BLOC1S5: variants seen among roughly 807,000 people sequenced by gnomAD.
The protein encoded by BLOC1S5 is biogenesis of lysosomal organelles complex 1 subunit 5.
BLOC1S5 carries 27 observed loss-of-function variants against 24.3 expected under a neutral mutation model. The ratio of observed to expected loss-of-function variants is 1.11; its 90% CI spans 0.82 to 1.53. The LOEUF is 1.53. Among genes scored for constraint, BLOC1S5 ranks in the 40% most tolerant of loss-of-function variants. The pLI, the probability that BLOC1S5 is intolerant of heterozygous loss-of-function variation, is 0.00. For synonymous variants in BLOC1S5, 84 were observed against 74.5 expected (o/e 1.13, Z -0.66); for missense variants, 239 against 229.4 (o/e 1.04, Z -0.27).
chr6:8,021,861 T>C (rs1395109722), intron 4 of BLOC1S5, among the ~76,000 whole-genome samples: 1 of 152,192 alleles, frequency 6.6e-6, no homozygotes, highest in Non-Finnish European at 1.5e-5. Context: ...ATGAAGAGAA[T>C]TTATTAATAA....
At chr6:8,041,024 C>G in intron 3 of BLOC1S5, 115 bp downstream of exon 3, 1 of 1,225,014 alleles carries the variant, frequency 8.2e-7, no homozygotes, top group South Asian at 1.6e-5. Flanking sequence ...ACCACTTTCT[C>G]TGTAACTGAG....
chr6:8,025,767 T>A (rs13219811), intron 4 of BLOC1S5, among the ~76,000 whole-genome samples: 19,115 of 152,156 alleles, frequency 0.13, 1,505 homozygotes, highest in South Asian at 0.28. Context: ...TGTTTCTTAA[T>A]AAGTGTAAGA....
intron 3 of BLOC1S5, among the ~76,000 whole-genome samples, chr6:8,032,798 T>C (rs6931500): frequency 0.039 from 5,946 of 152,182 alleles, 367 homozygotes; most frequent in African/African-American, 0.13. Flanking sequence ...ACAAAATCAA[T>C]GTACAAAAAT....
Position 8,014,014 on chromosome 6 carries a change from C to T in BLOC1S5, c.*1635G>A, listed in dbSNP as rs574474418. ...CCTCTATTAACTTTAATCACATTTT[C>T]AACATGCAGCCAAGAATGAAGCTTT... On this transcript the variant is annotated 3_prime_UTR_variant, in exon 5 of 5. Transcript: ENST00000397457. 2.6e-5 allele frequency: 4 copies of T among 152,228 alleles called. No individual in the cohort carries two copies. Among genetic ancestry groups the T allele is most frequent in the Non-Finnish European group, 5.9e-5 (4 of 68,016 alleles). 9.4% of individuals were successfully genotyped at this position (152,228 alleles called of 1,614,324 possible). A position where few individuals can be genotyped will look rare whatever the true frequency, so the allele number is the denominator to read the frequency against.
chr6:8,048,412 G>A (rs1020467577), intron 2 of BLOC1S5, among the ~76,000 whole-genome samples: 2 of 152,036 alleles, frequency 1.3e-5, no homozygotes, highest in African/African-American at 4.8e-5. Flanking sequence ...ACTTTTCAGC[G>A]GAGAAGGCTA....
intron 3 of BLOC1S5, among the ~76,000 whole-genome samples, chr6:8,028,323 A>G (rs1260315505): frequency 1.3e-5 from 2 of 151,952 alleles, no homozygotes; most frequent in African/African-American, 2.4e-5. Context: ...AAGTATTGAA[A>G]ATTAGGTTCC....
Position 8,015,663 on chromosome 6 carries a change from AT to A in BLOC1S5, c.549del (p.Lys183AsnfsTer24). 6.2e-7 allele frequency: 1 copy of A among 1,609,550 alleles called. No homozygotes were observed. Among genetic ancestry groups the A allele is most frequent in the Non-Finnish European group, 8.5e-7 (1 of 1,178,780 alleles). On this transcript the variant is annotated frameshift_variant, in exon 5 of 5. Transcript: ENST00000397457. LOFTEE classifies it high-confidence loss of function. ...GGTTCAAGTTCTTAAAAGGTTGAAA[AT>A]TTCGCTAGGTCCTTCTCCATCTCAG... ...QYAEMEKDLA[K>X]FSTF
At chr6:8,051,389 G>A (rs527840822) in intron 2 of BLOC1S5, among the ~76,000 whole-genome samples, 2 of 152,296 alleles carry the variant, frequency 1.3e-5, no homozygotes, top group East Asian at 3.9e-4. Context: ...GCTGCAGAAG[G>A]AAGGTTTGAA....
At chr6:8,044,085 A>C (rs1392883811) in intron 2 of BLOC1S5, among the ~76,000 whole-genome samples, 1 of 152,008 alleles carries the variant, frequency 6.6e-6, no homozygotes, top group East Asian at 1.9e-4. Flanking sequence ...AGTTTGAGAC[A>C]AGCCTGGCCA....
rs60853006 is a variant in BLOC1S5, at chr6:8,024,514, C to CAA, written c.384+1851_384+1852dup. Among the ~76,000 whole-genome samples, 354 of 65,416 alleles carry CAA rather than the reference C, an allele frequency of 5.4e-3. 17 individuals carry two copies. The highest frequency in any genetic ancestry group is 0.01 in the East Asian group (23 of 2,272). The allele number at this position is 65,416 out of a possible 152,430, so 42.9% of individuals were successfully genotyped here. A position where few individuals can be genotyped will look rare whatever the true frequency, so the allele number is the denominator to read the frequency against. ...TGGGTGACGGAGTGAGACTCCATCT[C>CAA]AAAAAAAAAAAAAAAAAAAAAGAAA... On this transcript the variant is annotated intron_variant, in intron 4 of 4. Transcript: ENST00000397457.
chr6:8,041,280 A>G lies in BLOC1S5; in HGVS notation c.196-12T>C, dbSNP rs777521160. On this transcript the variant is annotated splice_polypyrimidine_tract_variant and intron_variant, in intron 2 of 4. Coordinates refer to ENST00000397457, the MANE Select transcript of BLOC1S5 (RefSeq NM_201280.3). ...AGACCACGTTTTTCCTATTAAAAGA[A>G]AGTAGATGACTAATAAATATGGTGT... 6.3e-7 allele frequency: 1 copy of G among 1,577,100 alleles called. No homozygotes were observed. The highest frequency in any genetic ancestry group is 2.2e-5 in the East Asian group (1 of 44,512).
In BLOC1S5 at chr6:8,041,239, A is replaced by G; in HGVS notation, c.225T>C (p.Val75=). ...EEKRGLREMR[V]LENLKNMIHE... Reference sequence around the variant, plus strand: ...GGATCATGTTCTTCAAATTTTCAAGAACTCGCATTTCTCGAAGACCACGTT... The same window carrying G: ...GGATCATGTTCTTCAAATTTTCAAGGACTCGCATTTCTCGAAGACCACGTT... Residue 75 remains valine (V), a synonymous_variant, in exon 3 of 5, where the codon GTT becomes GTC. Coordinates refer to ENST00000397457, the MANE Select transcript of BLOC1S5 (RefSeq NM_201280.3). The G allele has an allele frequency of 1.2e-6, 2 of 1,612,446 alleles. No homozygotes were observed. The highest frequency in any genetic ancestry group is 1.7e-6 in the Non-Finnish European group (2 of 1,179,392).
chr6:8,050,171 A>C (rs1463628382), intron 2 of BLOC1S5, among the ~76,000 whole-genome samples: 2 of 152,160 alleles, frequency 1.3e-5, no homozygotes, highest in Non-Finnish European at 2.9e-5. Context: ...TCCCTTTGTC[A>C]CATTTGGGTA....
At chr6:8,030,440 G>A (rs566193083) in intron 3 of BLOC1S5, among the ~76,000 whole-genome samples, 10 of 152,006 alleles carry the variant, frequency 6.6e-5, no homozygotes, top group African/African-American at 2.2e-4. Context: ...TTACAGGCGT[G>A]AGCCACCACG....
At chr6:8,059,907 G>A (rs534934171) in intron 2 of BLOC1S5, among the ~76,000 whole-genome samples, 7 of 152,302 alleles carry the variant, frequency 4.6e-5, no homozygotes, top group East Asian at 1.9e-4. Flanking sequence ...TCAAAGCACC[G>A]TAAGAACGAA....
Position 8,041,100 on chromosome 6 carries a change from T to C in BLOC1S5, c.325+39A>G, listed in dbSNP as rs1482006206. ...AAATACATTTTGGTGTAGCATTCAT[T>C]TGAAATGAAAAGCAATTAAAAAAGA... On this transcript the variant is annotated intron_variant, in intron 3 of 4. Transcript: ENST00000397457. 10 of 1,556,728 alleles carry C rather than the reference T, an allele frequency of 6.4e-6. No individual in the cohort carries two copies. In the East Asian group the frequency reaches 2.1e-4, roughly 32 times the overall value.
chr6:8,019,613 G>GC (rs1001410806), intron 4 of BLOC1S5, among the ~76,000 whole-genome samples: 1 of 151,774 alleles, frequency 6.6e-6, no homozygotes, highest in African/African-American at 2.4e-5. Context: ...AAAAAGGGGG[G>GC]GGGGGCGCCT....
chr6:8,050,562 T>C (rs1581428276), intron 2 of BLOC1S5, among the ~76,000 whole-genome samples: 1 of 152,048 alleles, frequency 6.6e-6, no homozygotes, highest in East Asian at 1.9e-4. Flanking sequence ...CGAGGCCTTT[T>C]GCACCAGATA....
intron 2 of BLOC1S5, among the ~76,000 whole-genome samples, chr6:8,055,805 G>A (rs898737513): frequency 1.3e-5 from 2 of 152,108 alleles, no homozygotes; most frequent in Non-Finnish European, 2.9e-5. Flanking sequence ...TCCTAAGTTG[G>A]AGCCTGTGAA....
Sources: allele counts gnomAD v4.1 joint callset (sites outside exome capture counted in the v4.1 genomes callset), GRCh38; gene constraint gnomAD v4.1.1; transcripts MANE v1.5; gene names NCBI Gene and HGNC (gene_info 2026-07-23, HGNC 2026-07-21).